Variants in PIBF1 observed in about 807,000 individuals in gnomAD.
PIBF1 encodes the protein progesterone immunomodulatory binding factor 1, also known as progesterone-induced-blocking factor 1.
In PIBF1, 90 loss-of-function variants were observed where a neutral mutation model predicts 112.5. The observed-to-expected ratio is 0.80, with a 90% CI of 0.67 to 0.95. The LOEUF (loss-of-function observed/expected upper bound fraction) is 0.95, where lower values mean the gene tolerates loss of function less well. Ranked by LOEUF, PIBF1 falls within the 40% of genes least tolerant of loss-of-function variation. The pLI is 0.00. For missense variants in PIBF1, 915 were observed against 852.3 expected, an observed-to-expected ratio of 1.07 and a Z score of -0.92; for synonymous variants, 301 against 288.6, an observed-to-expected ratio of 1.04 and a Z score of -0.44.
At chr13:72,910,290 T>C (rs1429736852) in intron 12 of PIBF1, among the ~76,000 whole-genome samples, 3 of 152,234 alleles carry the variant, frequency 2.0e-5, no homozygotes, top group Admixed American at 1.3e-4. Context: ...TAATGACTTT[T>C]ATTGTCTTCA....
chr13:72,987,842 A>ATTTTTTTTT (rs1566521999), intron 16 of PIBF1, among the ~76,000 whole-genome samples: 5 of 66,450 alleles, frequency 7.5e-5, no homozygotes, highest in African/African-American at 2.1e-4. Flanking sequence ...TTTGTAATTT[A>ATTTTTTTTT]TTTATTTATT....
intron 15 of PIBF1, among the ~76,000 whole-genome samples, chr13:72,968,299 T>TTTTTC (rs796391802): frequency 2.6e-5 from 4 of 152,004 alleles, no homozygotes; most frequent in African/African-American, 7.2e-5. Flanking sequence ...GTTGTTCTTT[T>TTTTTC]TTTTCTTTTC....
intron 6 of PIBF1, among the ~76,000 whole-genome samples, chr13:72,824,368 G>A (rs2036705578): frequency 6.6e-6 from 1 of 151,998 alleles, no homozygotes; most frequent in Non-Finnish European, 1.5e-5. Context: ...ACTTGGATGA[G>A]GTGCCAACTG....
chr13:72,990,971 G>A (rs903043893), intron 16 of PIBF1, among the ~76,000 whole-genome samples: 5 of 152,158 alleles, frequency 3.3e-5, no homozygotes, highest in Admixed American at 6.5e-5. Flanking sequence ...TACTAGTCAC[G>A]ATGCGTTGTT....
At chr13:72,915,103 A>T (rs2041037980) in intron 12 of PIBF1, among the ~76,000 whole-genome samples, 2 of 152,224 alleles carry the variant, frequency 1.3e-5, no homozygotes, top group African/African-American at 4.8e-5. Flanking sequence ...TAAGTGATGC[A>T]GACATGGTTT....
At chr13:72,871,220 T>G (rs1462270819) in intron 10 of PIBF1, among the ~76,000 whole-genome samples, 1 of 152,114 alleles carries the variant, frequency 6.6e-6, no homozygotes, top group African/African-American at 2.4e-5. Context: ...AGAAAAAAAT[T>G]TTTAATGCAT....
chr13:72,877,874 C>T (rs1021224586), intron 10 of PIBF1, among the ~76,000 whole-genome samples: 4 of 151,760 alleles, frequency 2.6e-5, no homozygotes, highest in South Asian at 2.1e-4. Flanking sequence ...CTCAGCCTCC[C>T]GAGTAGCTGG....
chr13:73,007,304 T>G (rs9543199), intron 17 of PIBF1, among the ~76,000 whole-genome samples: 17,539 of 150,602 alleles, frequency 0.12, 1,367 homozygotes, highest in Non-Finnish European at 0.16. Flanking sequence ...TTTTTGTTTT[T>G]TTTTTTTTTT....
At chr13:72,903,345 A>C (rs2040572886) in intron 11 of PIBF1, among the ~76,000 whole-genome samples, 1 of 152,172 alleles carries the variant, frequency 6.6e-6, no homozygotes. Context: ...AATTGAATTG[A>C]TAGTATGCAG....
At chr13:72,868,862 C>A (rs990150193) in intron 10 of PIBF1, among the ~76,000 whole-genome samples, 17 of 145,428 alleles carry the variant, frequency 1.2e-4, no homozygotes, top group South Asian at 2.3e-4. Flanking sequence ...GATGAAACTA[C>A]TTCTTCCCCA....
rs961939682 is a variant in PIBF1, at chr13:72,794,172, A to C, written c.354-1187A>C. On this transcript the variant is annotated intron_variant, in intron 3 of 17. Transcript: ENST00000326291. The stretch of plus-strand genomic sequence containing the variant: ...AAGAAAGTGACTTGTGTCAAGCTCT[A>C]TCATTAGATCATGGAGGAAAAGAAC... 2.0e-5 allele frequency among the ~76,000 whole-genome samples: 3 copies of C among 152,246 alleles called. No individual in the cohort carries two copies. In the South Asian group the frequency reaches 6.2e-4, roughly 31 times the overall value.
chr13:72,854,297 T>G (rs1008333052), intron 10 of PIBF1, 142 bp downstream of exon 10: 1 of 597,700 alleles, frequency 1.7e-6, no homozygotes. Flanking sequence ...AATTTTCATT[T>G]CAATTTTCAT....
chr13:72,843,278 T>C (rs74758248), intron 9 of PIBF1, among the ~76,000 whole-genome samples: 2,271 of 152,264 alleles, frequency 0.015, 62 homozygotes, highest in African/African-American at 0.051. Flanking sequence ...GAGAAAATGA[T>C]GGATGAATTT....
intron 16 of PIBF1, among the ~76,000 whole-genome samples, chr13:72,993,995 C>T (rs926638878): frequency 1.3e-5 from 2 of 151,870 alleles, no homozygotes; most frequent in East Asian, 3.9e-4. Context: ...GCATGTGGTG[C>T]CAGCGGCTCA....
chr13:72,850,643 A>T (rs907942132), intron 9 of PIBF1, among the ~76,000 whole-genome samples: 1 of 152,248 alleles, frequency 6.6e-6, no homozygotes, highest in Non-Finnish European at 1.5e-5. Context: ...CCGAAATAAC[A>T]TATAGAATAA....
intron 5 of PIBF1, among the ~76,000 whole-genome samples, chr13:72,821,102 G>T (rs1284354352): frequency 3.3e-5 from 5 of 152,138 alleles, no homozygotes; most frequent in Admixed American, 6.6e-5. Flanking sequence ...TCAGGCAGTG[G>T]GAACAGGTTA....
intron 9 of PIBF1, among the ~76,000 whole-genome samples, chr13:72,836,507 G>A (rs1390716811): frequency 3.9e-5 from 6 of 152,072 alleles, no homozygotes; most frequent in Non-Finnish European, 5.9e-5. Flanking sequence ...TTTATAAGTT[G>A]CTGTATTTAT....
chr13:72,908,467 T>C, intron 11 of PIBF1, 64 bp from the exon 12 acceptor site: 1 of 1,035,458 alleles, frequency 9.7e-7, no homozygotes, highest in East Asian at 2.7e-5. Context: ...CTTTGCATCA[T>C]GTTTTTGTCT....
At chr13:72,922,601 G>A (rs371191566) in intron 13 of PIBF1, among the ~76,000 whole-genome samples, 7 of 152,024 alleles carry the variant, frequency 4.6e-5, no homozygotes, top group Non-Finnish European at 1.5e-5. Context: ...AGATTACTGC[G>A]TACTATAGTT....
Sources: allele counts gnomAD v4.1 joint callset (sites outside exome capture counted in the v4.1 genomes callset), GRCh38; gene constraint gnomAD v4.1.1; transcripts MANE v1.5; gene names NCBI Gene and HGNC (gene_info 2026-07-23, HGNC 2026-07-21).